MYO5B: variants seen among roughly 807,000 people sequenced by gnomAD.
The protein encoded by MYO5B is unconventional myosin-Vb.
In MYO5B, 143 loss-of-function variants were observed where a neutral mutation model predicts 229.3. The ratio of observed to expected loss-of-function variants is 0.62; its 90% CI spans 0.54 to 0.72. The LOEUF is 0.72. Among genes scored for constraint, MYO5B ranks in the 30% least tolerant of loss-of-function variants. MYO5B has a pLI of 0.00. For missense variants in MYO5B, 2,321 were observed against 2,331.0 expected (o/e 1.00, Z 0.09); for synonymous variants, 918 against 885.2 (o/e 1.04, Z -0.66).
chr18:50,115,545 GAGACACACACACACACACACAC>G (rs1182158201), intron 1 of MYO5B, among the ~76,000 whole-genome samples: 1 of 106,150 alleles, frequency 9.4e-6, no homozygotes, highest in Non-Finnish European at 1.9e-5. Context: ...CACACACAGA[GAGACACACACACACACACACAC>G]ACACACACAC....
At chr18:50,098,497 T>C (rs1024906719) in intron 1 of MYO5B, among the ~76,000 whole-genome samples, 2 of 152,116 alleles carry the variant, frequency 1.3e-5, no homozygotes, top group African/African-American at 4.8e-5. Context: ...AACAAGGAAA[T>C]AGACTGCCTT....
intron 7 of MYO5B, 118 bp from the exon 8 acceptor site, chr18:49,984,943 C>G (rs1048602183): frequency 1.1e-5 from 8 of 756,750 alleles, no homozygotes; most frequent in Non-Finnish European, 1.9e-5. Context: ...TTAGGCCCAG[C>G]TGGATGTGAA....
chr18:49,884,420 A>G (rs768138735), intron 22 of MYO5B, among the ~76,000 whole-genome samples: 5 of 152,034 alleles, frequency 3.3e-5, no homozygotes, highest in Non-Finnish European at 5.9e-5. Flanking sequence ...ACCATAATGT[A>G]GAATCAGTGG....
intron 2 of MYO5B, 90 bp from the exon 3 acceptor site, chr18:50,040,404 T>C (rs1282508752): frequency 1.7e-6 from 2 of 1,208,332 alleles, no homozygotes; most frequent in African/African-American, 1.5e-5. Context: ...GGAATCACCA[T>C]CTTAACATGA....
chr18:49,910,140 G>A (rs1486456318), intron 18 of MYO5B, among the ~76,000 whole-genome samples: 2 of 152,198 alleles, frequency 1.3e-5, no homozygotes, highest in Non-Finnish European at 2.9e-5. Flanking sequence ...GAAGAGAAGA[G>A]GCAGCTGTGC....
intron 32 of MYO5B, 81 bp downstream of exon 32, chr18:49,849,486 G>GGGCA: frequency 1.0e-6 from 1 of 973,402 alleles, no homozygotes; most frequent in Non-Finnish European, 1.7e-6. Context: ...AATGTGCAGA[G>GGGCA]GGCAGGCAGA....
At chr18:49,960,981 T>C (rs750004524) in intron 12 of MYO5B, among the ~76,000 whole-genome samples, 3 of 152,176 alleles carry the variant, frequency 2.0e-5, no homozygotes, top group Non-Finnish European at 4.4e-5. Context: ...ACACAAGACA[T>C]GGCGCTGCCT....
intron 22 of MYO5B, among the ~76,000 whole-genome samples, chr18:49,883,195 A>G (rs1187414451): frequency 6.6e-6 from 1 of 152,224 alleles, no homozygotes; most frequent in African/African-American, 2.4e-5. Context: ...ATAGGCAAGA[A>G]AGATAAAAGC....
chr18:49,900,505 G>C (rs1178590647), intron 21 of MYO5B, among the ~76,000 whole-genome samples: 1 of 152,206 alleles, frequency 6.6e-6, no homozygotes, highest in African/African-American at 2.4e-5. Flanking sequence ...CTTGTCTTTT[G>C]CAAGAGCACG....
intron 4 of MYO5B, among the ~76,000 whole-genome samples, chr18:50,011,336 A>C (rs917224261): frequency 6.6e-6 from 1 of 151,994 alleles, no homozygotes; most frequent in East Asian, 1.9e-4. Context: ...ATCGTTCCTC[A>C]CTTCTCCAGG....
chr18:49,872,875 C>T (rs945477857), intron 26 of MYO5B, among the ~76,000 whole-genome samples: 3 of 152,228 alleles, frequency 2.0e-5, no homozygotes, highest in African/African-American at 4.8e-5. Flanking sequence ...GTTGTTTTGT[C>T]ATCCAGTTTG....
At chr18:50,052,529 G>A (rs1215456735) in intron 2 of MYO5B, among the ~76,000 whole-genome samples, 2 of 136,984 alleles carry the variant, frequency 1.5e-5, no homozygotes, top group African/African-American at 5.6e-5. Context: ...CACGGGAAGG[G>A]GAACATCACA....
At chr18:50,083,229 G>A (rs926621970) in intron 1 of MYO5B, among the ~76,000 whole-genome samples, 1 of 152,220 alleles carries the variant, frequency 6.6e-6, no homozygotes, top group African/African-American at 2.4e-5. Flanking sequence ...CACCCTCCCA[G>A]CACCTCAATG....
chr18:49,923,658 A>G (rs2025099079), intron 17 of MYO5B, among the ~76,000 whole-genome samples: 1 of 152,150 alleles, frequency 6.6e-6, no homozygotes, highest in African/African-American at 2.4e-5. Flanking sequence ...TCTATGGTTA[A>G]CCACGTCAGA....
At chr18:49,984,883 C>A (rs755074174) in intron 7 of MYO5B, 58 bp from the exon 8 acceptor site, 38 of 1,253,516 alleles carry the variant, frequency 3.0e-5, no homozygotes, top group Non-Finnish European at 4.3e-5. Flanking sequence ...TCCCACAGAT[C>A]GTGACCCATG....
chr18:50,183,708 G>A (rs73959899), intron 1 of MYO5B, among the ~76,000 whole-genome samples: 174 of 151,506 alleles, frequency 1.1e-3, no homozygotes, highest in African/African-American at 4.1e-3. Flanking sequence ...TGTCCTCAAA[G>A]CTCATGTTGA....
chr18:50,074,067 C>G (rs2031021509), intron 1 of MYO5B, among the ~76,000 whole-genome samples: 1 of 152,110 alleles, frequency 6.6e-6, no homozygotes, highest in Admixed American at 6.5e-5. Flanking sequence ...ATACCCGAGA[C>G]TGGGAAGAAA....
chr18:49,904,868 T>C (rs565512458), intron 19 of MYO5B, 40 bp from the exon 20 acceptor site: 2 of 1,607,440 alleles, frequency 1.2e-6, no homozygotes, highest in Admixed American at 1.7e-5. Context: ...AGGGAGAGAG[T>C]ATTGACCGCC....
intron 16 of MYO5B, among the ~76,000 whole-genome samples, chr18:49,934,324 T>C (rs2025226485): frequency 6.6e-6 from 1 of 152,118 alleles, no homozygotes; most frequent in Non-Finnish European, 1.5e-5. Context: ...CAAACTAGAA[T>C]CCCGGTATCA....
Sources: gnomAD v4.1 joint callset for allele counts (sites outside exome capture counted in the v4.1 genomes callset) on GRCh38, gnomAD v4.1.1 for gene constraint, MANE v1.5 for transcripts, NCBI Gene and HGNC (gene_info 2026-07-23, HGNC 2026-07-21) for gene names.